Variants in MYO1E observed in about 807,000 individuals in gnomAD.
MYO1E encodes the protein unconventional myosin-Ie.
In MYO1E, 68 loss-of-function variants were observed where a neutral mutation model predicts 151.1. The ratio of observed to expected loss-of-function variants is 0.45; its 90% CI spans 0.37 to 0.55. The LOEUF (loss-of-function observed/expected upper bound fraction) is 0.55, where lower values mean the gene tolerates loss of function less well. MYO1E is among the 20% of genes least tolerant of loss of function. The pLI is 0.00. For synonymous variants in MYO1E, 601 were observed against 501.7 expected (o/e 1.20, Z -2.64); for missense variants, 1,363 against 1,389.3 (o/e 0.98, Z 0.30).
chr15:59,370,422 GATCT>G (rs1248191738), intron 1 of MYO1E, among the ~76,000 whole-genome samples: 3 of 152,358 alleles, frequency 2.0e-5, no homozygotes, highest in South Asian at 2.1e-4. Context: ...GGATCCAGTA[GATCT>G]ATCAATGGCA....
chr15:59,230,208 G>GAC (rs1368263550), intron 6 of MYO1E, among the ~76,000 whole-genome samples: 3 of 127,150 alleles, frequency 2.4e-5, no homozygotes, highest in African/African-American at 8.7e-5. Flanking sequence ...GTGAGAGAGA[G>GAC]AGAGACAGTG....
At chr15:59,332,454 G>T (rs971954621) in intron 1 of MYO1E, among the ~76,000 whole-genome samples, 1 of 152,076 alleles carries the variant, frequency 6.6e-6, no homozygotes, top group African/African-American at 2.4e-5. Flanking sequence ...GCTGATCTAG[G>T]ATTTCCATTA....
At chr15:59,357,366 A>C (rs1432005043) in intron 1 of MYO1E, among the ~76,000 whole-genome samples, 1 of 152,050 alleles carries the variant, frequency 6.6e-6, no homozygotes, top group Non-Finnish European at 1.5e-5. Flanking sequence ...CAAAATGCAC[A>C]TTAGCAATTA....
At chr15:59,173,684 C>G in intron 21 of MYO1E, 62 bp downstream of exon 21, 1 of 1,588,980 alleles carries the variant, frequency 6.3e-7, no homozygotes, top group Non-Finnish European at 8.6e-7. Flanking sequence ...AGCAAAATAA[C>G]AAGTTATTAA....
intron 1 of MYO1E, among the ~76,000 whole-genome samples, chr15:59,370,895 A>C (rs1167994045): frequency 1.3e-5 from 2 of 152,198 alleles, no homozygotes; most frequent in Non-Finnish European, 2.9e-5. Context: ...ATTCTCAAGT[A>C]CCAGGACTAT....
At chr15:59,305,380 A>AG (rs1236763614) in intron 1 of MYO1E, among the ~76,000 whole-genome samples, 1 of 152,006 alleles carries the variant, frequency 6.6e-6, no homozygotes, top group African/African-American at 2.4e-5. Flanking sequence ...TTTTTAGTAG[A>AG]GATGGAGTTT....
In MYO1E at chr15:59,357,593, TTTG is replaced by T. The variant is rs146568549; in HGVS notation, c.3+14902_3+14904del. On this transcript the variant is annotated intron_variant, in intron 1 of 27. Coordinates refer to ENST00000288235, the MANE Select transcript of MYO1E (RefSeq NM_004998.4). ...GTGCCTACCACCACGCCTGGCTATT[TTTG>T]TTGTTGTTGTTGTTGTTGTTGTTTT... Among the ~76,000 whole-genome samples the T allele has an allele frequency of 5.7e-4, 86 of 150,006 alleles. 2 individuals are homozygous for T. The highest frequency in any genetic ancestry group is 5.6e-3 in the East Asian group (28 of 5,022).
chr15:59,226,090 T>C (rs142572766), intron 7 of MYO1E, among the ~76,000 whole-genome samples: 1 of 152,360 alleles, frequency 6.6e-6, no homozygotes, highest in East Asian at 1.9e-4. Context: ...ACATCCATTA[T>C]ACACTTCCAT....
At chr15:59,369,848 G>T (rs932948685) in intron 1 of MYO1E, among the ~76,000 whole-genome samples, 38 of 152,088 alleles carry the variant, frequency 2.5e-4, no homozygotes, top group Non-Finnish European at 1.6e-4. Context: ...TACAGATGGA[G>T]AGCCCTCCTA....
rs1397770423 is a variant in MYO1E, at chr15:59,153,696, T to C, written c.2974A>G (p.Met992Val). ...TGCCGAGGCAAGGGCGGGCGGGCCA[T>C]GGAGGTGTACAGGCTTTTCTGATTG... ...RSNQKSLYTS[M>V]ARPPLPRQQS... The change falls in exon 26 of 28, where the codon ATG becomes GTG. Residue 992 changes from methionine to valine, a missense_variant. By Grantham distance (21) the Met-to-Val change is conservative. Coordinates refer to ENST00000288235, the MANE Select transcript of MYO1E (RefSeq NM_004998.4). 1.2e-6 allele frequency: 2 copies of C among 1,614,036 alleles called. No homozygotes were observed. Among genetic ancestry groups the C allele is most frequent in the Non-Finnish European group, 1.7e-6 (2 of 1,180,018 alleles).
intron 1 of MYO1E, among the ~76,000 whole-genome samples, chr15:59,369,280 T>C (rs1246837983): frequency 6.6e-6 from 1 of 152,226 alleles, no homozygotes; most frequent in Non-Finnish European, 1.5e-5. Context: ...CACAAGTATA[T>C]GCAAGTAAGG....
chr15:59,205,592 G>C, intron 14 of MYO1E, 107 bp from the exon 15 acceptor site: 1 of 986,158 alleles, frequency 1.0e-6, no homozygotes, highest in South Asian at 1.3e-5. Flanking sequence ...AAAAACCAAA[G>C]CTGTCATGGC....
At chr15:59,145,002 C>A (rs1158564376) in intron 26 of MYO1E, among the ~76,000 whole-genome samples, 1 of 152,100 alleles carries the variant, frequency 6.6e-6, no homozygotes, top group Admixed American at 6.5e-5. Context: ...CACCACCATG[C>A]CCGGCTAATC....
chr15:59,164,067 T>C (rs762600308), intron 22 of MYO1E, among the ~76,000 whole-genome samples: 1 of 152,204 alleles, frequency 6.6e-6, no homozygotes, highest in Non-Finnish European at 1.5e-5. Context: ...TATAGGGTGA[T>C]GGCAGAGAGA....
At chr15:59,358,952 T>C (rs1596442775) in intron 1 of MYO1E, among the ~76,000 whole-genome samples, 2 of 152,190 alleles carry the variant, frequency 1.3e-5, no homozygotes, top group East Asian at 3.8e-4. Flanking sequence ...CACAGTTCCC[T>C]GGACCTTAAA....
chr15:59,323,946 T>A (rs1337041598), intron 1 of MYO1E, among the ~76,000 whole-genome samples: 1 of 151,364 alleles, frequency 6.6e-6, no homozygotes, highest in African/African-American at 2.4e-5. Context: ...CAGTGACTTC[T>A]CCAGCTCCAT....
chr15:59,335,986 A>C (rs2080726026), intron 1 of MYO1E, among the ~76,000 whole-genome samples: 1 of 151,858 alleles, frequency 6.6e-6, no homozygotes, highest in African/African-American at 2.4e-5. Flanking sequence ...GTCCTGCAGC[A>C]ACTCAAGTGT....
rs1334590193 is a variant in MYO1E, at chr15:59,205,466, C to A, written c.1550G>T (p.Gly517Val). 1 of 1,614,114 alleles carries A rather than the reference C, an allele frequency of 6.2e-7. No homozygotes were observed. The highest frequency in any genetic ancestry group is 2.2e-5 in the East Asian group (1 of 44,890). ...YAGKVSYDMD[G>V]FCERNRDVLF... is the part of the protein sequence containing the mutation. ...CACATCCCGGTTCCTTTCACAAAAG[C>A]CATCCATGTCATAGGATACCTGGCC... The change falls in exon 15 of 28, where the codon GGC (glycine) becomes GTC (valine). Residue 517 changes from glycine to valine, a missense_variant. Coordinates refer to ENST00000288235, the MANE Select transcript of MYO1E (RefSeq NM_004998.4).
intron 23 of MYO1E, 149 bp downstream of exon 23, chr15:59,163,008 C>G: frequency 3.6e-6 from 3 of 839,026 alleles, no homozygotes; most frequent in Non-Finnish European, 5.7e-6. Flanking sequence ...TCCAGACTGT[C>G]TTCTGCAGGC....
Sources: allele counts gnomAD v4.1 joint callset (sites outside exome capture counted in the v4.1 genomes callset), GRCh38; gene constraint gnomAD v4.1.1; transcripts MANE v1.5; gene names NCBI Gene and HGNC (gene_info 2026-07-23, HGNC 2026-07-21).